Variants in HAS1 observed in about 807,000 individuals in gnomAD.
The protein encoded by HAS1 is hyaluronan synthase 1.
HAS1 carries 27 observed loss-of-function variants against 35.0 expected under a neutral mutation model. The ratio of observed to expected loss-of-function variants is 0.77; its 90% CI spans 0.57 to 1.06. The LOEUF is 1.06. Among genes scored for constraint, HAS1 ranks in the 50% least tolerant of loss-of-function variants. HAS1 has a pLI of 0.00. For missense variants in HAS1, 940 were observed against 814.8 expected (o/e 1.15, Z -1.87); for synonymous variants, 409 against 371.2 (o/e 1.10, Z -1.17).
At chr19:51,714,278 G>T in intron 4 of HAS1, 176 bp from the exon 5 acceptor site, 1 of 1,048,260 alleles carries the variant, frequency 9.5e-7, no homozygotes, top group Non-Finnish European at 1.4e-6. Flanking sequence ...GCCTGGACGC[G>T]GTGGCTCACT....
intron 4 of HAS1, among the ~76,000 whole-genome samples, chr19:51,714,405 T>C (rs1337566213): frequency 2.1e-5 from 2 of 95,186 alleles, no homozygotes; most frequent in African/African-American, 7.3e-5. Context: ...TAAGCACCAA[T>C]GGGTGGGATG....
intron 4 of HAS1, 26 bp from the exon 5 acceptor site, chr19:51,714,128 A>G: frequency 6.3e-7 from 1 of 1,599,630 alleles, no homozygotes; most frequent in South Asian, 1.1e-5. Flanking sequence ...GAATGAGGGC[A>G]TCATCGCGTG....
intron 4 of HAS1, among the ~76,000 whole-genome samples, chr19:51,714,554 G>A (rs922014883): frequency 4.3e-4 from 63 of 145,658 alleles, no homozygotes; most frequent in Non-Finnish European, 6.6e-4. Flanking sequence ...AAAATTAGCC[G>A]GGCGTGGTGG....
intron 3 of HAS1, among the ~76,000 whole-genome samples, chr19:51,716,629 T>C (rs1316770854): frequency 2.6e-5 from 4 of 151,816 alleles, no homozygotes; most frequent in African/African-American, 9.7e-5. Flanking sequence ...CCCACCCCAG[T>C]CTCATCACCA....
rs1391034187 is a variant in HAS1 at position 51,723,911 on chromosome 19, A to ACG, written c.9+13_9+14insCG. The ACG allele has an allele frequency of 3.3e-6, 5 of 1,523,172 alleles. No individual in the cohort carries two copies. The highest frequency in any genetic ancestry group is 4.4e-6 in the Non-Finnish European group (5 of 1,137,282). 94.4% of individuals were successfully genotyped at this position (1,523,172 alleles called of 1,614,324 possible). The stretch of plus-strand genomic sequence containing the variant: ...CACACACACACACACACACACACAC[A>ACG]CACACACACACACCTGTCTCATCGC... On this transcript the variant is annotated intron_variant, in intron 1 of 4. Coordinates refer to ENST00000540069, the MANE Select transcript of HAS1 (RefSeq NM_001297436.2).
intron 4 of HAS1, among the ~76,000 whole-genome samples, chr19:51,714,523 TAAAAAAAAAAA>T (rs1192483861): frequency 1.2e-5 from 1 of 85,874 alleles, no homozygotes; most frequent in Non-Finnish European, 2.2e-5. Context: ...ACCCCATCTC[TAAAAAAAAAAA>T]AAAAAAAAAA....
rs1246651108 is a variant in HAS1, at chr19:51,719,412, A to T, written c.493T>A (p.Tyr165Asn). ...DPATYVWDGN[Y>N]HQPWEPAAAG... ...GCCGCGGGTTCCCAGGGCTGGTGGTAGTTGCCGTCCCACACGTACGTGGCG... is the reference window on the plus strand; with the variant it reads ...GCCGCGGGTTCCCAGGGCTGGTGGTTGTTGCCGTCCCACACGTACGTGGCG... Residue 165 changes from tyrosine (Y) to asparagine (N), a missense_variant, in exon 2 of 5, where the codon TAC becomes AAC. Physicochemically the swap from Tyr to Asn is moderately radical, Grantham distance 143 (BLOSUM62 -2). Coordinates refer to ENST00000540069, the MANE Select transcript of HAS1 (RefSeq NM_001297436.2). 2 of 1,564,488 alleles carry T rather than the reference A, an allele frequency of 1.3e-6. No individual in the cohort carries two copies. The highest frequency in any genetic ancestry group is 3.8e-5 in the Admixed American group (2 of 52,132).
rs770601650 is a variant in HAS1 at position 51,716,332 on chromosome 19, A to G, written c.982T>C (p.Phe328Leu). 2 of 1,613,816 alleles carry G rather than the reference A, an allele frequency of 1.2e-6. No individual in the cohort carries two copies. The highest frequency in any genetic ancestry group is 1.7e-5 in the Admixed American group (1 of 60,004). The change falls in exon 4 of 5, where the codon TTC becomes CTC. Residue 328 changes from phenylalanine (F) to leucine (L), a missense_variant. Physicochemically the swap from Phe to Leu is conservative, Grantham distance 22 (BLOSUM62 0). Transcript: ENST00000540069. ...CCAAAAGTACAGTGGGTACCCAGGA[A>G]CTTCTGGTTGTACCAGGCCTCAAGA... The part of the protein sequence containing the change: ...QFLEAWYNQK[F>L]LGTHCTFGDD...
In HAS1 at chr19:51,719,809, C is replaced by G; in HGVS notation, c.96G>C (p.Leu32=). The G allele has an allele frequency of 6.4e-7, 1 of 1,557,824 alleles. No individual in the cohort carries two copies. The highest frequency in any genetic ancestry group is 8.7e-7 in the Non-Finnish European group (1 of 1,154,624). Residue 32 remains leucine, a synonymous_variant, in exon 2 of 5, where the codon CTG becomes CTC. Transcript: ENST00000540069. ...CGGCGTAGGCCCAGGTCATGAGGCC[C>G]AGGATGAGCAGGGCGAAGGCGATGG... ...VLTIAFALLI[L]GLMTWAYAAG...
rs1162701088 is a variant in HAS1 at position 51,719,818 on chromosome 19, C to G, written c.87G>C (p.Leu29=). The change falls in exon 2 of 5, where the codon CTG becomes CTC. Residue 29 remains leucine, a synonymous_variant. Coordinates refer to ENST00000540069, the MANE Select transcript of HAS1 (RefSeq NM_001297436.2). The part of the protein sequence containing the change: ...ARRVLTIAFA[L]LILGLMTWAY... ...CCCAGGTCATGAGGCCCAGGATGAGCAGGGCGAAGGCGATGGTCAGCACCC... is the reference window on the plus strand; with the variant it reads ...CCCAGGTCATGAGGCCCAGGATGAGGAGGGCGAAGGCGATGGTCAGCACCC... 6.4e-7 allele frequency: 1 copy of G among 1,556,774 alleles called. No individual in the cohort carries two copies. The highest frequency in any genetic ancestry group is 1.9e-5 in the Admixed American group (1 of 52,578).
chr19:51,717,863 A>G (rs965652876), intron 2 of HAS1, among the ~76,000 whole-genome samples: 2 of 152,240 alleles, frequency 1.3e-5, no homozygotes, highest in African/African-American at 4.8e-5. Flanking sequence ...AAACTATGAG[A>G]TAATAAATGT....
In HAS1 at chr19:51,713,292, G is replaced by T; in HGVS notation, c.*135C>A. 3 of 822,002 alleles carry T rather than the reference G, an allele frequency of 3.6e-6. No individual in the cohort carries two copies. The highest frequency in any genetic ancestry group is 5.4e-6 in the Non-Finnish European group (3 of 559,592). The allele number at this position is 822,002 out of a possible 1,614,324, so 50.9% of individuals were successfully genotyped here. On this transcript the variant is annotated 3_prime_UTR_variant, in exon 5 of 5. Coordinates refer to ENST00000540069, the MANE Select transcript of HAS1 (RefSeq NM_001297436.2). This position sits in a 1 kb window ranked among gnomAD's most constrained non-coding sequence, Gnocchi z 4.5. Reference sequence around the variant, plus strand: ...AATATAGTCCAGACTGAAGAATCTTGGGCTGACCCCCTCGTTTTGCAGAGG... The same window carrying T: ...AATATAGTCCAGACTGAAGAATCTTTGGCTGACCCCCTCGTTTTGCAGAGG...
At chr19:51,721,826 C>T (rs1016001455) in intron 1 of HAS1, among the ~76,000 whole-genome samples, 1 of 152,144 alleles carries the variant, frequency 6.6e-6, no homozygotes. Context: ...TGGTCTCGAA[C>T]TCCCAGGCTC....
At chr19:51,714,599 G>A (rs545740585) in intron 4 of HAS1, among the ~76,000 whole-genome samples, 61 of 148,826 alleles carry the variant, frequency 4.1e-4, no homozygotes, top group African/African-American at 1.5e-3. Context: ...GCTGAGATGG[G>A]GGAATCACTT....
chr19:51,717,080 A>G lies in HAS1; in HGVS notation c.813T>C (p.Pro271=). The change falls in exon 3 of 5, where the codon CCT becomes CCC. Residue 271 remains proline (P), a synonymous_variant. Coordinates refer to ENST00000540069, the MANE Select transcript of HAS1 (RefSeq NM_001297436.2). ...AVGGDVRILN[P]LDSWVSFLSS... ...TTAGGAAGCTGACCCAGGAGTCCAG[A>G]GGGTTAAGGATCCGCACGTCCCCAC... The G allele has an allele frequency of 6.2e-7, 1 of 1,613,980 alleles. No individual in the cohort carries two copies. Among genetic ancestry groups the G allele is most frequent in the South Asian group, 1.1e-5 (1 of 91,070 alleles).
At chr19:51,717,662 A>G (rs2083596552) in intron 2 of HAS1, among the ~76,000 whole-genome samples, 2 of 152,206 alleles carry the variant, frequency 1.3e-5, no homozygotes, top group African/African-American at 4.8e-5. Flanking sequence ...GCTGGCCTTG[A>G]AGAGGCAAGC....
Position 51,714,112 on chromosome 19 carries a change from G to A in HAS1, c.1059-10C>T, listed in dbSNP as rs776321698. The A allele has an allele frequency of 1.0e-5, 16 of 1,608,008 alleles. No individual in the cohort carries two copies. In the South Asian group the frequency reaches 1.3e-4, roughly 13 times the overall value. On this transcript the variant is annotated splice_polypyrimidine_tract_variant and intron_variant, in intron 4 of 4. Transcript: ENST00000540069. Reference sequence around the variant, plus strand: ...GGACCTGGAGGTGTACCTGCACGGGGGCGAGGAATGAGGGCATCATCGCGT... The same window carrying A: ...GGACCTGGAGGTGTACCTGCACGGGAGCGAGGAATGAGGGCATCATCGCGT...
At position 51,719,391 on chromosome 19, in the gene HAS1, C is replaced by T; in HGVS notation, c.514G>A (p.Ala172Thr). 1 of 1,579,834 alleles carries T rather than the reference C, an allele frequency of 6.3e-7. No individual in the cohort carries two copies. The highest frequency in any genetic ancestry group is 8.6e-7 in the Non-Finnish European group (1 of 1,162,452). ...DGNYHQPWEP[A>T]AAGAVGAGAY... ...CCGGCGCCCACCGCGCCCGCCGCCGCGGGTTCCCAGGGCTGGTGGTAGTTG... is the reference window on the plus strand; with the variant it reads ...CCGGCGCCCACCGCGCCCGCCGCCGTGGGTTCCCAGGGCTGGTGGTAGTTG... Residue 172 changes from alanine to threonine, a missense_variant, in exon 2 of 5, where the codon GCG becomes ACG. Ala to Thr is a moderately conservative substitution (Grantham distance 58, BLOSUM62 0). Coordinates refer to ENST00000540069, the MANE Select transcript of HAS1 (RefSeq NM_001297436.2).
At chr19:51,720,141 T>G (rs2083621064) in intron 1 of HAS1, among the ~76,000 whole-genome samples, 1 of 151,560 alleles carries the variant, frequency 6.6e-6, no homozygotes, top group Non-Finnish European at 1.5e-5. Flanking sequence ...TTTTTTTTTC[T>G]TTTGAGACAG....
Sources: gnomAD v4.1 joint callset for allele counts (sites outside exome capture counted in the v4.1 genomes callset) on GRCh38, gnomAD v4.1.1 for gene constraint, Gnocchi (gnomAD v3.1) non-coding constraint, MANE v1.5 for transcripts, NCBI Gene and HGNC (gene_info 2026-07-23, HGNC 2026-07-21) for gene names.